Variants in KLHL5 observed in about 807,000 individuals in gnomAD.
The protein encoded by KLHL5 is kelch like family member 5, also known as kelch-like protein 5.
Under a neutral mutation model 77.7 loss-of-function variants are expected in KLHL5, and 48 were observed. The observed-to-expected ratio is 0.62, with a 90% CI of 0.49 to 0.79. KLHL5 has a LOEUF of 0.79. Ranked by LOEUF, KLHL5 falls within the 30% of genes least tolerant of loss-of-function variation. The pLI is 0.00. For synonymous variants in KLHL5, 260 were observed against 297.0 expected (o/e 0.88, Z 1.28); for missense variants, 723 against 859.7 (o/e 0.84, Z 1.99).
chr4:39,080,382 C>T (rs1577680522), intron 2 of KLHL5, among the ~76,000 whole-genome samples: 1 of 152,030 alleles, frequency 6.6e-6, no homozygotes, highest in South Asian at 2.1e-4. Context: ...AAAAAATTAG[C>T]TGGACATGGT....
upstream of KLHL5, among the ~76,000 whole-genome samples, chr4:39,061,171 T>C (rs531691008): frequency 6.6e-6 from 1 of 152,342 alleles, no homozygotes; most frequent in African/African-American, 2.4e-5. Context: ...TCCCGTATTA[T>C]TTAGCATGAA....
At chr4:39,137,350 C>CAA in the KLHL5 span, among the ~76,000 whole-genome samples, 76,577 of 147,102 alleles carry the variant, frequency 0.52, 20,157 homozygotes, top group Non-Finnish European at 0.6. Context: ...CCAATTTTTA[C>CAA]AAAAAAAAAA....
Position 39,081,030 on chromosome 4 carries a change from A to C in KLHL5, c.567-73A>C. On this transcript the variant is annotated intron_variant, in intron 2 of 10. Transcript: ENST00000504108. This position sits in a 1 kb window ranked among gnomAD's most constrained non-coding sequence, Gnocchi z 4.3. Reference sequence around the variant, plus strand: ...GCACTGTGAGTAACAAATAAAAAAGAAGCAGCAGCATTTATTAATGAACAT... The same window carrying C: ...GCACTGTGAGTAACAAATAAAAAAGCAGCAGCAGCATTTATTAATGAACAT... The C allele has an allele frequency of 6.9e-7, 1 of 1,439,974 alleles. No individual in the cohort carries two copies. The highest frequency in any genetic ancestry group is 1.4e-5 in the African/African-American group (1 of 70,044). 89.2% of individuals were successfully genotyped at this position (1,439,974 alleles called of 1,614,324 possible).
At chr4:39,076,675 G>C (rs1052504869) in intron 2 of KLHL5, among the ~76,000 whole-genome samples, 2 of 149,796 alleles carry the variant, frequency 1.3e-5, no homozygotes, top group Non-Finnish European at 3.0e-5. Flanking sequence ...ATTTAATAAA[G>C]AATAATTCAT....
chr4:39,102,149 T>A (rs1053682730), intron 6 of KLHL5, among the ~76,000 whole-genome samples: 1 of 151,512 alleles, frequency 6.6e-6, no homozygotes, highest in African/African-American at 2.4e-5. Flanking sequence ...AGTGCTCTGA[T>A]GACCAAATTA....
At chr4:39,061,228 T>C (rs1340349483), upstream of KLHL5, among the ~76,000 whole-genome samples, 2 of 152,216 alleles carry the variant, frequency 1.3e-5, no homozygotes, top group Non-Finnish European at 2.9e-5. Flanking sequence ...CTCTGAATAA[T>C]TTGTATTAAG....
At chr4:39,134,871 A>G in the KLHL5 span, among the ~76,000 whole-genome samples, 2 of 152,226 alleles carry the variant, frequency 1.3e-5, no homozygotes, top group Non-Finnish European at 2.9e-5. Flanking sequence ...AGCATGAGCC[A>G]TTAGCAGGAA....
chr4:39,052,143 CAG>C (rs1157688293), intron 1 of KLHL5, among the ~76,000 whole-genome samples: 1 of 151,990 alleles, frequency 6.6e-6, no homozygotes, highest in Non-Finnish European at 1.5e-5. Context: ...ATTTTTGAGA[CAG>C]AGACTCGCTC....
chr4:39,118,162 T>C (rs1012900120), intron 10 of KLHL5, among the ~76,000 whole-genome samples: 13 of 107,392 alleles, frequency 1.2e-4, no homozygotes, highest in Non-Finnish European at 2.5e-4. Context: ...ATTGAGCATA[T>C]CTTACAGGCC....
chr4:39,091,843 T>TGTTTG (rs1553891346), intron 5 of KLHL5, among the ~76,000 whole-genome samples: 1 of 64,824 alleles, frequency 1.5e-5, no homozygotes, highest in South Asian at 4.9e-4. Flanking sequence ...ATCTGACTAG[T>TGTTTG]TTTTTTTTTT....
At chr4:39,101,859 AATAT>A in intron 6 of KLHL5, among the ~76,000 whole-genome samples, 1 of 104,772 alleles carries the variant, frequency 9.5e-6, no homozygotes, top group East Asian at 3.0e-4. Context: ...AAAAAAAAAA[AATAT>A]ATATATATAT....
At chr4:39,050,254 G>C (rs950015158) in intron 1 of KLHL5, among the ~76,000 whole-genome samples, 2 of 152,036 alleles carry the variant, frequency 1.3e-5, no homozygotes, top group African/African-American at 4.8e-5. Context: ...GTTCCTCTCT[G>C]CCTTTTTGGA....
chr4:39,140,882 G>C, the KLHL5 span, among the ~76,000 whole-genome samples: 69 of 152,278 alleles, frequency 4.5e-4, no homozygotes, highest in South Asian at 1.0e-3. Flanking sequence ...TCCTTTTGGG[G>C]AATTCTTAGA....
chr4:39,090,727 A>C (rs1245242352), intron 5 of KLHL5, among the ~76,000 whole-genome samples: 1 of 151,832 alleles, frequency 6.6e-6, no homozygotes, highest in African/African-American at 2.4e-5. Flanking sequence ...GGGATTACAA[A>C]CTTGAGCCAC....
intron 5 of KLHL5, among the ~76,000 whole-genome samples, chr4:39,087,015 A>G (rs550514861): frequency 1.5e-5 from 2 of 134,872 alleles, no homozygotes; most frequent in East Asian, 4.6e-4. Flanking sequence ...AGTTCAAGTT[A>G]TTCTCCTGCC....
At chr4:39,127,094 G>C (rs146415887), downstream of KLHL5, among the ~76,000 whole-genome samples, 1,824 of 152,224 alleles carry the variant, frequency 0.012, 34 homozygotes, top group African/African-American at 0.041. Context: ...CCAGCACTTT[G>C]GGAGGCTGAG....
chr4:39,122,107 CTAAT>C lies in KLHL5; in HGVS notation c.*1044_*1047del, dbSNP rs1455128875. ...CCTAAGTTTTTTACATTTTTAAACT[CTAAT>C]TACATATGTGAATGTTATTACTCTC... On this transcript the variant is annotated 3_prime_UTR_variant, in exon 11 of 11. Transcript: ENST00000504108. 6.6e-6 allele frequency: 1 copy of C among 152,518 alleles called. No homozygotes were observed. The highest frequency in any genetic ancestry group is 1.5e-5 in the Non-Finnish European group (1 of 68,014). 9.4% of individuals were successfully genotyped at this position (152,518 alleles called of 1,614,324 possible).
intron 1 of KLHL5, among the ~76,000 whole-genome samples, chr4:39,070,545 T>G (rs1390796335): frequency 6.6e-6 from 1 of 152,200 alleles, no homozygotes; most frequent in African/African-American, 2.4e-5. Context: ...CCAAGGGGTT[T>G]TCACATTTGA....
chr4:39,065,605 C>T (rs1373062850), intron 1 of KLHL5, among the ~76,000 whole-genome samples: 1 of 152,036 alleles, frequency 6.6e-6, no homozygotes, highest in Non-Finnish European at 1.5e-5. Context: ...CCGCCCACGT[C>T]CGCCTCCCAA....
Sources: allele counts gnomAD v4.1 joint callset (sites outside exome capture counted in the v4.1 genomes callset), GRCh38; gene constraint gnomAD v4.1.1; non-coding constraint Gnocchi (gnomAD v3.1); transcripts MANE v1.5; gene names NCBI Gene and HGNC (gene_info 2026-07-23, HGNC 2026-07-21).